Variants in TCF19 observed in about 807,000 individuals in gnomAD.
The protein encoded by TCF19 is transcription factor 19, also known as transcription factor SC1.
A neutral mutation model predicts 18.3 loss-of-function variants in TCF19; 9 were observed. The ratio of observed to expected loss-of-function variants is 0.49; its 90% CI spans 0.30 to 0.86. TCF19 has a LOEUF of 0.86. TCF19 is among the 40% of genes least tolerant of loss of function. The pLI, the probability that TCF19 is intolerant of heterozygous loss-of-function variation, is 0.07. For missense variants in TCF19, 376 were observed against 464.3 expected (o/e 0.81, Z 1.75); for synonymous variants, 176 against 185.3 (o/e 0.95, Z 0.41).
Position 31,162,376 on chromosome 6 carries a change from TGCCTCTGTGGCCTCACCCTATGACCAGC to T in TCF19, c.798-100_798-73del. The T allele has an allele frequency of 6.8e-7, 1 of 1,469,918 alleles. No homozygotes were observed. Among genetic ancestry groups the T allele is most frequent in the Non-Finnish European group, 9.1e-7 (1 of 1,093,394 alleles). 91.1% of individuals were successfully genotyped at this position (1,469,918 alleles called of 1,614,324 possible). On this transcript the variant is annotated intron_variant, in intron 3 of 3. Coordinates refer to ENST00000376257, the MANE Select transcript of TCF19 (RefSeq NM_007109.3). This position sits in a 1 kb window ranked among gnomAD's most constrained non-coding sequence, Gnocchi z 4.5. ...GCTCACCTTAGTTCTCAGACCACTG[TGCCTCTGTGGCCTCACCCTATGACCAGC>T]CATAGGGTGGCAAGGTCTAGGCCTT...
At position 31,161,648 on chromosome 6, in the gene TCF19, C is replaced by T. The variant is rs1349333631; in HGVS notation, c.440C>T (p.Ala147Val). 2 of 1,529,244 alleles carry T rather than the reference C, an allele frequency of 1.3e-6. No individual in the cohort carries two copies. The highest frequency in any genetic ancestry group is 1.8e-6 in the Non-Finnish European group (2 of 1,140,156). 94.7% of individuals were successfully genotyped at this position (1,529,244 alleles called of 1,614,324 possible). A position where few individuals can be genotyped will look rare whatever the true frequency, so the allele number is the denominator to read the frequency against. ...TCTAGGGGAGAAGCCCGGGTTGGGG[C>T]TGGTTTCCGGCCTATGCTGCCCTCC... The part of the protein sequence containing the change: ...PRSRGEARVG[A>V]GFRPMLPSQG... Residue 147 changes from alanine (A) to valine (V), a missense_variant, in exon 3 of 4, where the codon GCT becomes GTT. By Grantham distance (64) the Ala-to-Val change is moderately conservative (BLOSUM62 0). Coordinates refer to ENST00000376257, the MANE Select transcript of TCF19 (RefSeq NM_007109.3).
At position 31,163,390 on chromosome 6, in the gene TCF19, T is replaced by TG. The variant is rs1200729111; in HGVS notation, c.*676dup. Reference sequence around the variant, plus strand: ...TGCTTACTGGAAAGGTGCAAATATATGGGTTGAGCTGGAGGTAGGAATACA... The same window carrying TG: ...TGCTTACTGGAAAGGTGCAAATATATGGGGTTGAGCTGGAGGTAGGAATACA... On this transcript the variant is annotated 3_prime_UTR_variant, in exon 4 of 4. Transcript: ENST00000376257. The TG allele has an allele frequency of 1.0e-6, 1 of 985,436 alleles. No homozygotes were observed. Among genetic ancestry groups the TG allele is most frequent in the African/African-American group, 1.7e-5 (1 of 57,212 alleles). The allele number at this position is 985,436 out of a possible 1,614,324, so 61.0% of individuals were successfully genotyped here. A position where few individuals can be genotyped will look rare whatever the true frequency, so the allele number is the denominator to read the frequency against.
chr6:31,163,933 GC>G lies in TCF19; in HGVS notation c.*1217del. On this transcript the variant is annotated 3_prime_UTR_variant, in exon 4 of 4. Transcript: ENST00000376257. Reference sequence around the variant, plus strand: ...AATGAGTCACTTATGGGCAGAGTATGCAAAAACCTTAAGTGGAAACCAAATA... The same window carrying G: ...AATGAGTCACTTATGGGCAGAGTATGAAAAACCTTAAGTGGAAACCAAATA... 1 of 986,046 alleles carries G rather than the reference GC, an allele frequency of 1.0e-6. No individual in the cohort carries two copies. Among genetic ancestry groups the G allele is most frequent in the Non-Finnish European group, 1.2e-6 (1 of 830,398 alleles). 61.1% of individuals were successfully genotyped at this position (986,046 alleles called of 1,614,324 possible).
In TCF19 at chr6:31,162,093, G is replaced by T; in HGVS notation, c.797+88G>T. Reference sequence around the variant, plus strand: ...AGGCTGTGAGGAGGTCCCCCTGCCTGGGGGGATGGGCACGGGAGGTGGAAT... The same window carrying T: ...AGGCTGTGAGGAGGTCCCCCTGCCTTGGGGGATGGGCACGGGAGGTGGAAT... On this transcript the variant is annotated intron_variant, in intron 3 of 3. Coordinates refer to ENST00000376257, the MANE Select transcript of TCF19 (RefSeq NM_007109.3). The surrounding 1 kb of genome is among the most constrained non-coding windows in gnomAD (Gnocchi z 4.5). 1 of 1,377,592 alleles carries T rather than the reference G, an allele frequency of 7.3e-7. No homozygotes were observed. The allele number at this position is 1,377,592 out of a possible 1,614,324, so 85.3% of individuals were successfully genotyped here.
chr6:31,164,070 G>C lies in TCF19; in HGVS notation c.*1353G>C. The C allele has an allele frequency of 4.9e-6, 5 of 1,014,686 alleles. No homozygotes were observed. Among genetic ancestry groups the C allele is most frequent in the Non-Finnish European group, 5.9e-6 (5 of 846,804 alleles). 62.9% of individuals were successfully genotyped at this position (1,014,686 alleles called of 1,614,324 possible). A position where few individuals can be genotyped will look rare whatever the true frequency, so the allele number is the denominator to read the frequency against. The stretch of plus-strand genomic sequence containing the variant: ...AGTATAAAGCCATTTAAGAATTCCA[G>C]AGTAGGGTGGGAAAGCAAAAAGCCA... On this transcript the variant is annotated 3_prime_UTR_variant, in exon 4 of 4. Transcript: ENST00000376257.
intron 2 of TCF19, 132 bp downstream of exon 2, chr6:31,159,839 C>A: frequency 1.1e-6 from 1 of 904,562 alleles, no homozygotes; most frequent in Non-Finnish European, 1.7e-6. Flanking sequence ...GTGGTCCAGA[C>A]CTTCATCTTC....
Position 31,159,364 on chromosome 6 carries a change from T to A in TCF19, c.-106T>A. 1 of 1,044,542 alleles carries A rather than the reference T, an allele frequency of 9.6e-7. No homozygotes were observed. Among genetic ancestry groups the A allele is most frequent in the South Asian group, 1.7e-5 (1 of 60,022 alleles). 64.7% of individuals were successfully genotyped at this position (1,044,542 alleles called of 1,614,324 possible). A position where few individuals can be genotyped will look rare whatever the true frequency, so the allele number is the denominator to read the frequency against. On this transcript the variant is annotated 5_prime_UTR_variant, in exon 2 of 4. In the 5' UTR this introduces an upstream ATG that the reference lacks. Transcript: ENST00000376257. ...AAACCGCATACAGCACAACTCAAGT[T>A]TGCATCAGACTGGGAAGCGAACTTA...
chr6:31,162,692 G>C lies in TCF19; in HGVS notation c.1013G>C (p.Gly338Ala). ...AAREADFRCP[G>A]CRAGIQT is the part of the protein sequence containing the mutation. The stretch of plus-strand genomic sequence containing the variant: ...AGGGAGGCCGACTTCCGATGCCCAG[G>C]GTGCCGGGCTGGCATTCAGACCTAA... The change falls in exon 4 of 4, where the codon GGG (glycine) becomes GCG (alanine). Residue 338 changes from glycine to alanine, a missense_variant. By Grantham distance (60) the Gly-to-Ala change is moderately conservative. Transcript: ENST00000376257. The surrounding 1 kb of genome is among the most constrained non-coding windows in gnomAD (Gnocchi z 4.5). 6.2e-7 allele frequency: 1 copy of C among 1,612,028 alleles called. No individual in the cohort carries two copies. The highest frequency in any genetic ancestry group is 1.1e-5 in the South Asian group (1 of 91,060).
Position 31,159,654 on chromosome 6 carries a change from C to T in TCF19, c.185C>T (p.Ala62Val), listed in dbSNP as rs868000660. Reference protein sequence around the residue: ...LISGIHAELHAEPRGDDWRVS... With the variant: ...LISGIHAELHVEPRGDDWRVS... ...TCTGGGATCCACGCCGAACTGCATG[C>T]CGAGCCCCGGGGTGATGACTGGAGG... is the stretch of plus-strand genomic sequence containing the variant. The change falls in exon 2 of 4, where the codon GCC (alanine) becomes GTC (valine). Residue 62 changes from alanine to valine, a missense_variant. Physicochemically the swap from Ala to Val is moderately conservative, Grantham distance 64. Coordinates refer to ENST00000376257, the MANE Select transcript of TCF19 (RefSeq NM_007109.3). 3.1e-6 allele frequency: 5 copies of T among 1,614,046 alleles called. No individual in the cohort carries two copies. The highest frequency in any genetic ancestry group is 4.2e-6 in the Non-Finnish European group (5 of 1,180,042).
At position 31,162,465 on chromosome 6, in the gene TCF19, C is replaced by T. The variant is rs181830417; in HGVS notation, c.798-12C>T. The T allele has an allele frequency of 1.2e-3, 1,842 of 1,596,940 alleles. 7 individuals are homozygous for T. Among genetic ancestry groups the T allele is most frequent in the Admixed American group, 5.5e-3 (324 of 58,980 alleles). On this transcript the variant is annotated splice_polypyrimidine_tract_variant and intron_variant, in intron 3 of 3. Transcript: ENST00000376257. This position sits in a 1 kb window ranked among gnomAD's most constrained non-coding sequence, Gnocchi z 4.5. ...TTTCCGGTGACCCTTGTGTCTGTGT[C>T]ACTTCCTTCAGAAATCGACGTGGCC...
Position 31,162,905 on chromosome 6 carries a change from G to C in TCF19, c.*188G>C. The C allele has an allele frequency of 7.1e-7, 1 of 1,404,836 alleles. No homozygotes were observed. The highest frequency in any genetic ancestry group is 2.6e-5 in the East Asian group (1 of 38,620). 87.0% of individuals were successfully genotyped at this position (1,404,836 alleles called of 1,614,324 possible). On this transcript the variant is annotated 3_prime_UTR_variant, in exon 4 of 4. Coordinates refer to ENST00000376257, the MANE Select transcript of TCF19 (RefSeq NM_007109.3). This position sits in a 1 kb window ranked among gnomAD's most constrained non-coding sequence, Gnocchi z 4.5. Reference sequence around the variant, plus strand: ...CCTGGTGGCCAAGACAGAAGAGATGGTTTCCTGCCAAAGATATTGCCACCT... The same window carrying C: ...CCTGGTGGCCAAGACAGAAGAGATGCTTTCCTGCCAAAGATATTGCCACCT...
In TCF19 at chr6:31,159,565, C is replaced by A; in HGVS notation, c.96C>A (p.Arg32=). 6.2e-7 allele frequency: 1 copy of A among 1,612,080 alleles called. No individual in the cohort carries two copies. The highest frequency in any genetic ancestry group is 8.5e-7 in the Non-Finnish European group (1 of 1,179,670). ...CCGCCGGGGCTGGCTGCACCTATCG[C>A]TTGGGCCACAGGGCCGACCTGTGTG... is the stretch of plus-strand genomic sequence containing the variant. The part of the protein sequence containing the change: ...HPPAGAGCTY[R]LGHRADLCDV... The change falls in exon 2 of 4, where the codon CGC becomes CGA. Residue 32 remains arginine, a synonymous_variant. Coordinates refer to ENST00000376257, the MANE Select transcript of TCF19 (RefSeq NM_007109.3).
At position 31,162,795 on chromosome 6, in the gene TCF19, C is replaced by G; in HGVS notation, c.*78C>G. ...GCGAGCAAATAGGTCTGATAAATAC[C>G]CCCCTTCCCTTCCCTCCCCAGGAGG... On this transcript the variant is annotated 3_prime_UTR_variant, in exon 4 of 4. Coordinates refer to ENST00000376257, the MANE Select transcript of TCF19 (RefSeq NM_007109.3). The surrounding 1 kb of genome is among the most constrained non-coding windows in gnomAD (Gnocchi z 4.5). The G allele has an allele frequency of 6.5e-7, 1 of 1,540,660 alleles. No homozygotes were observed. The highest frequency in any genetic ancestry group is 8.7e-7 in the Non-Finnish European group (1 of 1,150,036).
chr6:31,163,133 A>T lies in TCF19; in HGVS notation c.*416A>T. On this transcript the variant is annotated 3_prime_UTR_variant, in exon 4 of 4. Transcript: ENST00000376257. ...CTGGGAAAACCTAGGGCCTGGCCCC[A>T]AAACTTCCCTACTCTGTGGCTAGTC... 2.3e-5 allele frequency: 24 copies of T among 1,031,628 alleles called. No individual in the cohort carries two copies. The highest frequency in any genetic ancestry group is 2.7e-5 in the Non-Finnish European group (23 of 858,466). 63.9% of individuals were successfully genotyped at this position (1,031,628 alleles called of 1,614,324 possible).
chr6:31,161,297 C>T (rs1776759275), intron 2 of TCF19, 150 bp from the exon 3 acceptor site: 3 of 536,256 alleles, frequency 5.6e-6, no homozygotes, highest in African/African-American at 3.9e-5. Flanking sequence ...CTGCCTGGTA[C>T]CTGTCACCTG....
chr6:31,161,173 GAAAGA>G (rs1776749562), intron 2 of TCF19, among the ~76,000 whole-genome samples: 4 of 142,566 alleles, frequency 2.8e-5, no homozygotes, highest in Admixed American at 7.1e-5. Context: ...AAAAAAGAAA[GAAAGA>G]AAAAAAAAGA....
In TCF19 at chr6:31,159,535, C is replaced by A. The variant is rs766674467; in HGVS notation, c.66C>A (p.His22Gln). ...GGRGGDLYTF[H>Q]PPAGAGCTYR... The stretch of plus-strand genomic sequence containing the variant: ...GGGGCGGTGATCTCTACACCTTCCA[C>A]CCCCCCGCCGGGGCTGGCTGCACCT... Residue 22 changes from histidine (H) to glutamine (Q), a missense_variant, in exon 2 of 4, where the codon CAC becomes CAA. By Grantham distance (24) the His-to-Gln change is conservative (BLOSUM62 0). Transcript: ENST00000376257. The A allele has an allele frequency of 1.2e-6, 2 of 1,603,866 alleles. No individual in the cohort carries two copies. The highest frequency in any genetic ancestry group is 1.7e-6 in the Non-Finnish European group (2 of 1,175,756).
Position 31,161,634 on chromosome 6 carries a change from A to C in TCF19, c.426A>C (p.Glu142Asp). 6.5e-7 allele frequency: 1 copy of C among 1,539,812 alleles called. No individual in the cohort carries two copies. Among genetic ancestry groups the C allele is most frequent in the Non-Finnish European group, 8.7e-7 (1 of 1,145,796 alleles). ...AAITIPRSRG[E>D]ARVGAGFRPM... is the part of the protein sequence containing the mutation. Reference sequence around the variant, plus strand: ...TTACCATCCCACGGTCTAGGGGAGAAGCCCGGGTTGGGGCTGGTTTCCGGC... The same window carrying C: ...TTACCATCCCACGGTCTAGGGGAGACGCCCGGGTTGGGGCTGGTTTCCGGC... The change falls in exon 3 of 4, where the codon GAA (glutamate) becomes GAC (aspartate). Residue 142 changes from glutamate to aspartate, a missense_variant. By Grantham distance (45) the Glu-to-Asp change is conservative. Coordinates refer to ENST00000376257, the MANE Select transcript of TCF19 (RefSeq NM_007109.3).
At position 31,161,851 on chromosome 6, in the gene TCF19, C is replaced by G; in HGVS notation, c.643C>G (p.Pro215Ala). 1 of 1,613,040 alleles carries G rather than the reference C, an allele frequency of 6.2e-7. No individual in the cohort carries two copies. The highest frequency in any genetic ancestry group is 8.5e-7 in the Non-Finnish European group (1 of 1,179,992). The change falls in exon 3 of 4, where the codon CCT (proline) becomes GCT (alanine). Residue 215 changes from proline (P) to alanine (A), a missense_variant. By Grantham distance (27) the Pro-to-Ala change is conservative. Coordinates refer to ENST00000376257, the MANE Select transcript of TCF19 (RefSeq NM_007109.3). The stretch of plus-strand genomic sequence containing the variant: ...CCCACCTGGGGAAATGGGGACCACG[C>G]CTTCTGCTCCACCACAACGCAATCG... ...PAPPGEMGTT[P>A]SAPPQRNRRK...
Sources: gnomAD v4.1 joint callset for allele counts (sites outside exome capture counted in the v4.1 genomes callset) on GRCh38, gnomAD v4.1.1 for gene constraint, Gnocchi (gnomAD v3.1) non-coding constraint, MANE v1.5 for transcripts, NCBI Gene and HGNC (gene_info 2026-07-23, HGNC 2026-07-21) for gene names.